Variants in LRRC4C observed in about 807,000 individuals in gnomAD.
LRRC4C encodes leucine-rich repeat-containing protein 4C.
In LRRC4C, 5 loss-of-function variants were observed where a neutral mutation model predicts 33.6. The observed-to-expected ratio is 0.15, with a 90% CI of 0.08 to 0.31. The LOEUF (loss-of-function observed/expected upper bound fraction) is 0.31. Among genes scored for constraint, LRRC4C ranks in the 10% least tolerant of loss-of-function variants. The pLI is 1.00. For synonymous variants in LRRC4C, 329 were observed against 302.0 expected (o/e 1.09, Z -0.93); for missense variants, 560 against 796.7 (o/e 0.70, Z 3.58).
chr11:40,333,764 T>C (rs1187977233), intron 3 of LRRC4C, among the ~76,000 whole-genome samples: 1 of 151,784 alleles, frequency 6.6e-6, no homozygotes, highest in Admixed American at 6.6e-5. Context: ...ACATGGGATT[T>C]TGTTACTCTT....
chr11:40,314,674 A>C (rs1945487448), intron 4 of LRRC4C, among the ~76,000 whole-genome samples: 1 of 152,168 alleles, frequency 6.6e-6, no homozygotes. Flanking sequence ...ATGAATGGAT[A>C]ATGAAAATAT....
intron 1 of LRRC4C, among the ~76,000 whole-genome samples, chr11:41,401,289 G>A (rs1432969129): frequency 1.3e-5 from 2 of 151,874 alleles, no homozygotes; most frequent in African/African-American, 4.8e-5. Flanking sequence ...CATTTCAAGT[G>A]CTCATTAGTC....
intron 1 of LRRC4C, among the ~76,000 whole-genome samples, chr11:41,033,069 T>C (rs1001630330): frequency 6.6e-6 from 1 of 152,022 alleles, no homozygotes; most frequent in Non-Finnish European, 1.5e-5. Context: ...TAATTGTTAG[T>C]CTCTGTCTCC....
At chr11:40,358,690 T>A (rs1339729809) in intron 3 of LRRC4C, among the ~76,000 whole-genome samples, 3 of 152,072 alleles carry the variant, frequency 2.0e-5, no homozygotes, top group Non-Finnish European at 4.4e-5. Flanking sequence ...CATTGAAACT[T>A]TTTTCCAAAA....
At chr11:40,316,908 GT>G (rs1283742821) in intron 4 of LRRC4C, among the ~76,000 whole-genome samples, 1 of 137,890 alleles carries the variant, frequency 7.3e-6, no homozygotes, top group Non-Finnish European at 1.5e-5. Context: ...AAGTTACCAG[GT>G]TTTTTAAAAA....
chr11:41,351,596 A>G (rs1951986537), intron 1 of LRRC4C, among the ~76,000 whole-genome samples: 1 of 152,180 alleles, frequency 6.6e-6, no homozygotes, highest in Non-Finnish European at 1.5e-5. Flanking sequence ...GCTAGAGAAA[A>G]GGGGCAGGTC....
chr11:40,594,286 T>C (rs1456561651), intron 3 of LRRC4C, among the ~76,000 whole-genome samples: 1 of 152,240 alleles, frequency 6.6e-6, no homozygotes, highest in African/African-American at 2.4e-5. Flanking sequence ...TTTATGTACA[T>C]CATCTTATAT....
chr11:40,657,747 T>C (rs762475467), intron 2 of LRRC4C, among the ~76,000 whole-genome samples: 1 of 152,208 alleles, frequency 6.6e-6, no homozygotes, highest in African/African-American at 2.4e-5. Flanking sequence ...CCGACCACCT[T>C]GGGCACATGT....
chr11:41,414,779 C>CTA (rs1430282030), intron 1 of LRRC4C, among the ~76,000 whole-genome samples: 2 of 151,928 alleles, frequency 1.3e-5, no homozygotes, highest in Admixed American at 1.3e-4. Flanking sequence ...AAAGATTGTG[C>CTA]TATACGTCAT....
chr11:40,276,893 C>T (rs1449707562), intron 4 of LRRC4C, among the ~76,000 whole-genome samples: 1 of 151,900 alleles, frequency 6.6e-6, no homozygotes, highest in Non-Finnish European at 1.5e-5. Flanking sequence ...GACCAATGCC[C>T]GGAGAAGCTG....
intron 2 of LRRC4C, among the ~76,000 whole-genome samples, chr11:40,819,172 T>C (rs550825057): frequency 4.9e-4 from 74 of 152,240 alleles, no homozygotes; most frequent in African/African-American, 1.6e-3. Flanking sequence ...TTCACAAATA[T>C]GTGCAGAAGA....
rs141733358 is a variant in LRRC4C, at chr11:41,331,785, C to T, written c.-496+127646G>A. 4.3e-3 allele frequency among the ~76,000 whole-genome samples: 652 copies of T among 152,140 alleles called. 5 individuals carry two copies. The highest frequency in any genetic ancestry group is 0.013 in the African/African-American group (551 of 41,516). ...AGCCTAAATATTGGGCACTGACAAA[C>T]GAACCCCAGGGTAGATCTACAACAC... On this transcript the variant is annotated intron_variant, in intron 1 of 6. Coordinates refer to ENST00000528697, the MANE Select transcript of LRRC4C (RefSeq NM_001258419.2).
At chr11:41,315,441 G>C (rs554968818) in intron 1 of LRRC4C, among the ~76,000 whole-genome samples, 7 of 152,178 alleles carry the variant, frequency 4.6e-5, no homozygotes, top group Non-Finnish European at 5.9e-5. Context: ...AGGGAAAACA[G>C]GTGTCGTGTC....
At chr11:40,527,091 C>T (rs1430123174) in intron 3 of LRRC4C, among the ~76,000 whole-genome samples, 3 of 152,180 alleles carry the variant, frequency 2.0e-5, no homozygotes, top group Non-Finnish European at 4.4e-5. Flanking sequence ...TGATAGAGAT[C>T]AATACAGTCA....
chr11:40,151,222 T>A (rs1858179250), intron 5 of LRRC4C, among the ~76,000 whole-genome samples: 1 of 152,152 alleles, frequency 6.6e-6, no homozygotes, highest in Admixed American at 6.5e-5. Context: ...TAATTCCCAC[T>A]CCAATGCAGT....
intron 2 of LRRC4C, among the ~76,000 whole-genome samples, chr11:40,736,968 G>C (rs1411091180): frequency 6.6e-6 from 1 of 150,846 alleles, no homozygotes; most frequent in Non-Finnish European, 1.5e-5. Context: ...TCTGATGATA[G>C]TTTATTTTCC....
chr11:40,470,120 T>A (rs1952854321), intron 3 of LRRC4C, among the ~76,000 whole-genome samples: 1 of 152,150 alleles, frequency 6.6e-6, no homozygotes, highest in Non-Finnish European at 1.5e-5. Flanking sequence ...GACAGACACC[T>A]CATATAGGAG....
intron 1 of LRRC4C, among the ~76,000 whole-genome samples, chr11:41,383,296 T>C (rs1237318262): frequency 6.6e-6 from 1 of 152,086 alleles, no homozygotes; most frequent in Non-Finnish European, 1.5e-5. Flanking sequence ...GAATTTGCCA[T>C]GACAGCTGGG....
intron 3 of LRRC4C, among the ~76,000 whole-genome samples, chr11:40,414,077 C>T (rs1950242130): frequency 6.6e-6 from 1 of 151,578 alleles, no homozygotes; most frequent in Non-Finnish European, 1.5e-5. Flanking sequence ...ACAATATTTA[C>T]ATATAAAATG....
Sources: gnomAD v4.1 joint callset for allele counts (sites outside exome capture counted in the v4.1 genomes callset) on GRCh38, gnomAD v4.1.1 for gene constraint, MANE v1.5 for transcripts, NCBI Gene and HGNC (gene_info 2026-07-23, HGNC 2026-07-21) for gene names.